Variants in KBTBD11 observed in about 807,000 individuals in gnomAD.
The protein encoded by KBTBD11 is kelch repeat and BTB domain-containing protein 11.
For synonymous variants in KBTBD11, 747 were observed against 499.0 expected (o/e 1.50, Z -6.63); for missense variants, 1,390 against 1,001.8 (o/e 1.39, Z -5.23).
intron 1 of KBTBD11, among the ~76,000 whole-genome samples, chr8:1,980,152 G>A (rs1277419766): frequency 2.0e-5 from 3 of 151,680 alleles, no homozygotes; most frequent in African/African-American, 7.3e-5. Flanking sequence ...GATATTTTGA[G>A]GACAAATATT....
At chr8:1,985,592 C>G (rs1489037682) in intron 1 of KBTBD11, among the ~76,000 whole-genome samples, 1 of 152,248 alleles carries the variant, frequency 6.6e-6, no homozygotes, top group Non-Finnish European at 1.5e-5. Context: ...TGAGACTGAA[C>G]TGTTCTCTCA....
intron 1 of KBTBD11, among the ~76,000 whole-genome samples, chr8:1,980,694 C>T (rs1461008258): frequency 1.3e-5 from 2 of 152,238 alleles, no homozygotes; most frequent in African/African-American, 4.8e-5. Context: ...GCCCTGGAGC[C>T]TCCGCCAGCT....
intron 1 of KBTBD11, among the ~76,000 whole-genome samples, chr8:1,993,545 C>G (rs1265072500): frequency 8.6e-6 from 1 of 116,688 alleles, no homozygotes; most frequent in Non-Finnish European, 1.7e-5. Flanking sequence ...ACCCACCCAC[C>G]CACCCACCCA....
At chr8:1,974,112 A>C in intron 1 of KBTBD11, 177 bp downstream of exon 1, 1 of 78,338 alleles carries the variant, frequency 1.3e-5, no homozygotes, top group Non-Finnish European at 2.0e-5. Context: ...CCGGCAGGGG[A>C]GGGAGGGGAG....
rs1264811864 is a variant in KBTBD11, at chr8:2,001,869, C to T, written c.677C>T (p.Ala226Val). 8 of 1,326,682 alleles carry T rather than the reference C, an allele frequency of 6.0e-6. No homozygotes were observed. Among genetic ancestry groups the T allele is most frequent in the Non-Finnish European group, 7.8e-6 (8 of 1,028,268 alleles). 82.2% of individuals were successfully genotyped at this position (1,326,682 alleles called of 1,614,324 possible). The change falls in exon 2 of 2, where the codon GCC becomes GTC. Residue 226 changes from alanine to valine, a missense_variant. Physicochemically the swap from Ala to Val is moderately conservative, Grantham distance 64 (BLOSUM62 0). Transcript: ENST00000320248. ...LPGAAQRATD[A>V]VGPQLSLANC... ...GGCGCCGCGCAGCGCGCCACCGACG[C>T]CGTGGGGCCGCAGCTGAGCCTGGCC...
In KBTBD11 at chr8:2,006,493, G is replaced by C. The variant is rs550153269; in HGVS notation, c.*3429G>C. ...AATGTTATTGTTCATAAGAAAACAC[G>C]AGCTGAAAATGGAAATCTGCAGTTG... On this transcript the variant is annotated 3_prime_UTR_variant, in exon 2 of 2. Coordinates refer to ENST00000320248, the MANE Select transcript of KBTBD11 (RefSeq NM_014867.3). 6.0e-5 allele frequency: 10 copies of C among 166,880 alleles called. No individual in the cohort carries two copies. Among genetic ancestry groups the C allele is most frequent in the Non-Finnish European group, 1.2e-4 (8 of 68,122 alleles). 10.3% of individuals were successfully genotyped at this position (166,880 alleles called of 1,614,324 possible).
chr8:1,998,903 G>A (rs1246138825), intron 1 of KBTBD11, among the ~76,000 whole-genome samples: 2 of 152,116 alleles, frequency 1.3e-5, no homozygotes, highest in Admixed American at 6.5e-5. Context: ...TCCTTTCCCC[G>A]GCCCTGGACT....
At chr8:1,981,693 C>T (rs931352844) in intron 1 of KBTBD11, among the ~76,000 whole-genome samples, 36 of 152,172 alleles carry the variant, frequency 2.4e-4, no homozygotes, top group Non-Finnish European at 1.6e-4. Context: ...TCTTTCTCTG[C>T]CTCTCCCACT....
intron 1 of KBTBD11, among the ~76,000 whole-genome samples, chr8:1,982,569 C>G (rs548664532): frequency 6.6e-6 from 1 of 152,210 alleles, no homozygotes; most frequent in East Asian, 1.9e-4. Context: ...AACAGATACT[C>G]CACGCAAATT....
intron 1 of KBTBD11, among the ~76,000 whole-genome samples, chr8:1,994,042 G>C (rs1273963775): frequency 6.6e-6 from 1 of 152,058 alleles, no homozygotes; most frequent in African/African-American, 2.4e-5. Flanking sequence ...GAGGCATGAG[G>C]GCGGGTGAGT....
Position 2,002,350 on chromosome 8 carries a change from C to G in KBTBD11, c.1158C>G (p.Asn386Lys). 6.9e-7 allele frequency: 1 copy of G among 1,459,330 alleles called. No individual in the cohort carries two copies. The highest frequency in any genetic ancestry group is 9.0e-7 in the Non-Finnish European group (1 of 1,110,708). The allele number at this position is 1,459,330 out of a possible 1,614,324, so 90.4% of individuals were successfully genotyped here. The change falls in exon 2 of 2, where the codon AAC becomes AAG. Residue 386 changes from asparagine to lysine, a missense_variant. By Grantham distance (94) the Asn-to-Lys change is moderately conservative. Coordinates refer to ENST00000320248, the MANE Select transcript of KBTBD11 (RefSeq NM_014867.3). The surrounding 1 kb of genome is among the most constrained non-coding windows in gnomAD (Gnocchi z 4.1). ...ARPSDQVFCY[N>K]PATDSWSAVR... ...CGTCCGACCAGGTCTTCTGCTACAA[C>G]CCGGCCACGGACAGCTGGAGCGCCG...
In KBTBD11 at chr8:2,001,513, C is replaced by A. The variant is rs1302248852; in HGVS notation, c.321C>A (p.Ser107=). 2 of 1,412,208 alleles carry A rather than the reference C, an allele frequency of 1.4e-6. No individual in the cohort carries two copies. The highest frequency in any genetic ancestry group is 1.5e-5 in the South Asian group (1 of 67,842). 87.5% of individuals were successfully genotyped at this position (1,412,208 alleles called of 1,614,324 possible). The stretch of plus-strand genomic sequence containing the variant: ...GCCCGGAAGAGCCCGCGGCGCCGTC[C>A]CCCGAACCGCGCGTTTGGCTTGAGG... ...RACPEEPAAP[S]PEPRVWLEDP... is the part of the protein sequence containing the mutation. The change falls in exon 2 of 2, where the codon TCC becomes TCA. Residue 107 remains serine, a synonymous_variant. Coordinates refer to ENST00000320248, the MANE Select transcript of KBTBD11 (RefSeq NM_014867.3).
intron 1 of KBTBD11, among the ~76,000 whole-genome samples, chr8:1,980,766 G>C (rs1816514740): frequency 6.6e-6 from 1 of 152,170 alleles, no homozygotes; most frequent in African/African-American, 2.4e-5. Context: ...TTTCCTACTG[G>C]TTCTGTTAAC....
rs753744107 is a variant in KBTBD11, at chr8:2,002,584, C to T, written c.1392C>T (p.Gly464=). The T allele has an allele frequency of 8.8e-6, 14 of 1,583,478 alleles. No homozygotes were observed. The highest frequency in any genetic ancestry group is 1.4e-5 in the African/African-American group (1 of 73,380). ...TCHGEIYVSG[G]SLFYRLLKYD... is the part of the protein sequence containing the mutation. ...ACGGCGAGATCTACGTGTCCGGGGG[C>T]TCCCTCTTCTATCGCCTGCTCAAGT... Residue 464 remains glycine, a synonymous_variant, in exon 2 of 2, where the codon GGC becomes GGT. Transcript: ENST00000320248. The surrounding 1 kb of genome is among the most constrained non-coding windows in gnomAD (Gnocchi z 4.1).
intron 1 of KBTBD11, among the ~76,000 whole-genome samples, chr8:1,979,899 C>A (rs747308608): frequency 2.0e-5 from 3 of 152,208 alleles, no homozygotes; most frequent in South Asian, 2.1e-4. Flanking sequence ...TTTGGGGAGT[C>A]CCTCTTCCTT....
At chr8:1,993,446 T>TC (rs1817000216) in intron 1 of KBTBD11, among the ~76,000 whole-genome samples, 1 of 132,030 alleles carries the variant, frequency 7.6e-6, no homozygotes, top group East Asian at 2.3e-4. Context: ...TCCATCCATC[T>TC]ATCCATCCAA....
At chr8:1,993,959 A>ACACACAC (rs1554527405) in intron 1 of KBTBD11, among the ~76,000 whole-genome samples, 3 of 150,058 alleles carry the variant, frequency 2.0e-5, no homozygotes, top group Non-Finnish European at 4.4e-5. Flanking sequence ...ACACACACAC[A>ACACACAC]AAACCCCATA....
At position 2,001,094 on chromosome 8, in the gene KBTBD11, AGCTGTGAG is replaced by A; in HGVS notation, c.-94_-87del. The stretch of plus-strand genomic sequence containing the variant: ...TGAAATCTGATCGCGTGCCAGGAAA[AGCTGTGAG>A]GCTGGAAACCCCGGAGTAAGGCTCG... On this transcript the variant is annotated 5_prime_UTR_variant, in exon 2 of 2. It removes the in-frame stop codon of an upstream open reading frame in the 5' UTR. Coordinates refer to ENST00000320248, the MANE Select transcript of KBTBD11 (RefSeq NM_014867.3). The A allele has an allele frequency of 8.0e-7, 1 of 1,256,508 alleles. No individual in the cohort carries two copies. Among genetic ancestry groups the A allele is most frequent in the Non-Finnish European group, 1.0e-6 (1 of 999,630 alleles). 77.8% of individuals were successfully genotyped at this position (1,256,508 alleles called of 1,614,324 possible). A position where few individuals can be genotyped will look rare whatever the true frequency, so the allele number is the denominator to read the frequency against.
At chr8:1,981,690 C>T (rs1276499504) in intron 1 of KBTBD11, among the ~76,000 whole-genome samples, 1 of 152,150 alleles carries the variant, frequency 6.6e-6, no homozygotes, top group Non-Finnish European at 1.5e-5. Context: ...AATTCTTTCT[C>T]TGCCTCTCCC....
Sources: allele counts gnomAD v4.1 joint callset (sites outside exome capture counted in the v4.1 genomes callset), GRCh38; gene constraint gnomAD v4.1.1; non-coding constraint Gnocchi (gnomAD v3.1); transcripts MANE v1.5; gene names NCBI Gene and HGNC (gene_info 2026-07-23, HGNC 2026-07-21).